Variants in TMEM132B observed in about 807,000 individuals in gnomAD.
TMEM132B encodes the protein transmembrane protein 132B.
Under a neutral mutation model 90.8 loss-of-function variants are expected in TMEM132B, and 18 were observed. That is an observed-to-expected ratio of 0.20 (90% confidence interval 0.14 to 0.29). The LOEUF (loss-of-function observed/expected upper bound fraction) is 0.29, where lower values mean the gene tolerates loss of function less well. TMEM132B is among the 10% of genes least tolerant of loss of function. The pLI, the probability that TMEM132B is intolerant of heterozygous loss-of-function variation, is 1.00. For missense variants in TMEM132B, 1,096 were observed against 1,326.8 expected (o/e 0.83, Z 2.70); for synonymous variants, 504 against 523.3 (o/e 0.96, Z 0.50).
In TMEM132B at chr12:125,311,777, T is replaced by G. The variant is rs931091936; in HGVS notation, c.68-37675T>G. 2.0e-5 allele frequency among the ~76,000 whole-genome samples: 3 copies of G among 152,120 alleles called. No homozygotes were observed. The South Asian group carries it at 6.2e-4, about 32-fold the overall frequency. ...GGATGTGTGGCAGGGGCAGGGAGGT[T>G]GGGTGGGGAATGTGGTCCATCTTTT... On this transcript the variant is annotated intron_variant, in intron 1 of 8. Coordinates refer to ENST00000682704, the MANE Select transcript of TMEM132B (RefSeq NM_001366854.1).
At chr12:125,505,798 A>C (rs1410430819) in intron 3 of TMEM132B, among the ~76,000 whole-genome samples, 1 of 152,212 alleles carries the variant, frequency 6.6e-6, no homozygotes. Flanking sequence ...GAACTTATTC[A>C]GTCTGAAGAA....
intron 3 of TMEM132B, among the ~76,000 whole-genome samples, chr12:125,512,963 C>T (rs987868181): frequency 6.6e-6 from 1 of 152,206 alleles, no homozygotes; most frequent in Admixed American, 6.5e-5. Context: ...TTGGTGGGGA[C>T]TCAGGGAGTG....
intron 3 of TMEM132B, among the ~76,000 whole-genome samples, chr12:125,476,708 AT>A (rs534764364): frequency 1.4e-3 from 208 of 152,278 alleles, no homozygotes; most frequent in Non-Finnish European, 2.3e-3. Flanking sequence ...GCCAGGTCAT[AT>A]GGTAATTCTA....
chr12:125,290,810 T>C (rs930381767), intron 1 of TMEM132B, among the ~76,000 whole-genome samples: 1 of 152,114 alleles, frequency 6.6e-6, no homozygotes, highest in Admixed American at 6.5e-5. Context: ...TCCTCCAGAG[T>C]GTATACTTAT....
At chr12:125,550,358 GT>G (rs554451672) in intron 4 of TMEM132B, among the ~76,000 whole-genome samples, 3 of 151,862 alleles carry the variant, frequency 2.0e-5, no homozygotes, top group South Asian at 2.1e-4. Context: ...TCTATATTCT[GT>G]TTTTTTTAAA....
Position 125,292,528 on chromosome 12 carries a change from C to A in TMEM132B, c.68-56924C>A, listed in dbSNP as rs535909077. The stretch of plus-strand genomic sequence containing the variant: ...ATCTTCTGTTTGCGAGTGACAGAAA[C>A]TCAACTCAAAACTGGCTTGCACAAA... On this transcript the variant is annotated intron_variant, in intron 1 of 8. Transcript: ENST00000682704. Among the ~76,000 whole-genome samples the A allele has an allele frequency of 6.6e-5, 10 of 152,330 alleles. No individual in the cohort carries two copies. In the South Asian group the frequency reaches 1.9e-3, roughly 28 times the overall value.
At chr12:125,551,105 G>T (rs889467437) in intron 4 of TMEM132B, among the ~76,000 whole-genome samples, 1 of 152,274 alleles carries the variant, frequency 6.6e-6, no homozygotes, top group African/African-American at 2.4e-5. Context: ...GAGCCACTGT[G>T]TCTGGCCCTG....
chr12:125,623,796 G>A (rs1028856834), intron 5 of TMEM132B, among the ~76,000 whole-genome samples: 6 of 152,294 alleles, frequency 3.9e-5, no homozygotes, highest in Non-Finnish European at 2.9e-5. Flanking sequence ...CCTGCTCAGA[G>A]CCCACCATAT....
Position 125,349,915 on chromosome 12 carries a change from C to G in TMEM132B, c.531C>G (p.Ala177=), listed in dbSNP as rs757986769. ...FAFPEAREVA[A]SCRLQGAPGL... is the part of the protein sequence containing the mutation. ...TCCCTGAGGCCAGGGAAGTGGCAGC[C>G]AGCTGTCGGCTGCAAGGGGCCCCAG... is the stretch of plus-strand genomic sequence containing the variant. The change falls in exon 2 of 9, where the codon GCC becomes GCG. Residue 177 remains alanine, a synonymous_variant. Transcript: ENST00000682704. This position sits in a 1 kb window ranked among gnomAD's most constrained non-coding sequence, Gnocchi z 4.1. The G allele has an allele frequency of 6.2e-7, 1 of 1,614,232 alleles. No homozygotes were observed. The highest frequency in any genetic ancestry group is 8.5e-7 in the Non-Finnish European group (1 of 1,180,036).
At chr12:125,308,434 G>A (rs1449268303) in intron 1 of TMEM132B, among the ~76,000 whole-genome samples, 1 of 152,010 alleles carries the variant, frequency 6.6e-6, no homozygotes, top group Non-Finnish European at 1.5e-5. Context: ...CTTCCATTAT[G>A]AGCAATGCTT....
intron 1 of TMEM132B, among the ~76,000 whole-genome samples, chr12:125,340,667 A>T (rs1311496754): frequency 6.6e-6 from 1 of 152,214 alleles, no homozygotes; most frequent in Non-Finnish European, 1.5e-5. Context: ...TCTTTCTAAA[A>T]GCCTTGCCTG....
chr12:125,507,497 A>G (rs1283528229), intron 3 of TMEM132B, among the ~76,000 whole-genome samples: 2 of 152,136 alleles, frequency 1.3e-5, no homozygotes, highest in South Asian at 2.1e-4. Flanking sequence ...ATCAAAGAAG[A>G]CACCACTGAG....
intron 1 of TMEM132B, among the ~76,000 whole-genome samples, chr12:125,289,898 A>AG (rs1875486022): frequency 6.6e-6 from 1 of 152,228 alleles, no homozygotes; most frequent in Non-Finnish European, 1.5e-5. Context: ...CACCTTGGGA[A>AG]GGTTTCCAAG....
At position 125,459,709 on chromosome 12, in the gene TMEM132B, G is replaced by A. The variant is rs540175747; in HGVS notation, c.1106+44032G>A. ...TGTAACACAAAGGATAAATGCTTGAGAGGATGGATACCCCATGGTATGGTC... is the reference window on the plus strand; with the variant it reads ...TGTAACACAAAGGATAAATGCTTGAAAGGATGGATACCCCATGGTATGGTC... On this transcript the variant is annotated intron_variant, in intron 3 of 8. Coordinates refer to ENST00000682704, the MANE Select transcript of TMEM132B (RefSeq NM_001366854.1). This position sits in a 1 kb window ranked among gnomAD's most constrained non-coding sequence, Gnocchi z 4.1. Among the ~76,000 whole-genome samples the A allele has an allele frequency of 6.6e-6, 1 of 152,338 alleles. No homozygotes were observed. The highest frequency in any genetic ancestry group is 1.5e-5 in the Non-Finnish European group (1 of 68,026).
chr12:125,459,869 G>A lies in TMEM132B; in HGVS notation c.1106+44192G>A, dbSNP rs1334409385. Among the ~76,000 whole-genome samples the A allele has an allele frequency of 6.6e-6, 1 of 152,160 alleles. No homozygotes were observed. Among genetic ancestry groups the A allele is most frequent in the Non-Finnish European group, 1.5e-5 (1 of 68,022 alleles). Reference sequence around the variant, plus strand: ...ATACTGTTTTCACGGTAGTGGATAAGTCTCATGAGATCTGATGATTTTATA... The same window carrying A: ...ATACTGTTTTCACGGTAGTGGATAAATCTCATGAGATCTGATGATTTTATA... On this transcript the variant is annotated intron_variant, in intron 3 of 8. Coordinates refer to ENST00000682704, the MANE Select transcript of TMEM132B (RefSeq NM_001366854.1). This position sits in a 1 kb window ranked among gnomAD's most constrained non-coding sequence, Gnocchi z 4.1.
At chr12:125,522,937 G>A (rs1883346554) in intron 4 of TMEM132B, among the ~76,000 whole-genome samples, 1 of 152,196 alleles carries the variant, frequency 6.6e-6, no homozygotes, top group Admixed American at 6.5e-5. Context: ...TTGGAGCTGA[G>A]AGGCCATGAA....
intron 3 of TMEM132B, among the ~76,000 whole-genome samples, chr12:125,510,174 T>C (rs961848260): frequency 6.6e-6 from 1 of 152,110 alleles, no homozygotes; most frequent in Non-Finnish European, 1.5e-5. Flanking sequence ...GCTGATAAAA[T>C]CAGATAAGCT....
intron 4 of TMEM132B, among the ~76,000 whole-genome samples, chr12:125,548,071 T>A (rs1261294955): frequency 6.6e-6 from 1 of 152,194 alleles, no homozygotes; most frequent in African/African-American, 2.4e-5. Flanking sequence ...CTGTGTCTCC[T>A]GGGGCCACAG....
At chr12:125,351,013 C>T (rs866696426) in intron 2 of TMEM132B, among the ~76,000 whole-genome samples, 9 of 152,064 alleles carry the variant, frequency 5.9e-5, no homozygotes, top group East Asian at 3.9e-4. Context: ...TTTTTTAGTG[C>T]GGGGGTTTGG....
Sources: gnomAD v4.1 joint callset for allele counts (sites outside exome capture counted in the v4.1 genomes callset) on GRCh38, gnomAD v4.1.1 for gene constraint, Gnocchi (gnomAD v3.1) non-coding constraint, MANE v1.5 for transcripts, NCBI Gene and HGNC (gene_info 2026-07-23, HGNC 2026-07-21) for gene names.